Variants in IGSF21 observed in about 807,000 individuals in gnomAD.
IGSF21 encodes immunoglobulin superfamily member 21.
IGSF21 carries 28 observed loss-of-function variants against 46.8 expected under a neutral mutation model. The observed-to-expected ratio is 0.60, with a 90% confidence interval of 0.44 to 0.82. The LOEUF (loss-of-function observed/expected upper bound fraction) is 0.82. IGSF21 is among the 40% of genes least tolerant of loss of function. The pLI, the probability that IGSF21 is intolerant of heterozygous loss-of-function variation, is 0.00. For synonymous variants in IGSF21, 284 were observed against 273.6 expected (o/e 1.04, Z -0.38); for missense variants, 624 against 665.5 (o/e 0.94, Z 0.69).
chr1:18,319,124 A>G (rs891470276), intron 3 of IGSF21, among the ~76,000 whole-genome samples: 5 of 152,222 alleles, frequency 3.3e-5, no homozygotes, highest in Non-Finnish European at 7.3e-5. Flanking sequence ...TGTCTAAAGG[A>G]CAGAGGGTGC....
intron 2 of IGSF21, among the ~76,000 whole-genome samples, chr1:18,243,864 G>A (rs1163839904): frequency 6.6e-6 from 1 of 152,166 alleles, no homozygotes; most frequent in African/African-American, 2.4e-5. Context: ...TTGCCAAGGT[G>A]CCTCTAGAGA....
At chr1:18,155,947 G>T (rs2086564444) in intron 1 of IGSF21, among the ~76,000 whole-genome samples, 1 of 152,244 alleles carries the variant, frequency 6.6e-6, no homozygotes, top group South Asian at 2.1e-4. Flanking sequence ...GATGGGCCCG[G>T]ATGCGGTGCT....
rs117775969 is a variant in IGSF21 at position 18,184,889 on chromosome 1, C to T, written c.71-43009C>T. Among the ~76,000 whole-genome samples, 500 of 152,304 alleles carry T rather than the reference C, an allele frequency of 3.3e-3. 10 individuals are homozygous for T. The East Asian group carries it at 0.045, about 14-fold the overall frequency. ...AAGACCGTGAGTTCAAATCCCAGTC[C>T]AGACACTTCTGAGCTGTGTGACCTT... On this transcript the variant is annotated intron_variant, in intron 1 of 9. Transcript: ENST00000251296.
intron 4 of IGSF21, among the ~76,000 whole-genome samples, chr1:18,359,338 A>AAGAAAGAAAGAAAG (rs1195025223): frequency 2.8e-5 from 1 of 35,374 alleles, no homozygotes; most frequent in African/African-American, 9.5e-5. Context: ...AAGAGAAAGA[A>AAGAAAGAAAGAAAG]AAAGAAAGAA....
intron 1 of IGSF21, among the ~76,000 whole-genome samples, chr1:18,190,222 C>T (rs2086942056): frequency 6.6e-6 from 1 of 152,218 alleles, no homozygotes; most frequent in Admixed American, 6.5e-5. Flanking sequence ...CTTCAGAGCT[C>T]CCAGTGGATC....
chr1:18,256,898 C>T (rs1489075609), intron 2 of IGSF21, among the ~76,000 whole-genome samples: 6 of 152,326 alleles, frequency 3.9e-5, no homozygotes, highest in East Asian at 3.9e-4. Context: ...GCCCAGTTGC[C>T]GGCAAGCGGA....
chr1:18,185,744 T>TAA (rs771274671), intron 1 of IGSF21, among the ~76,000 whole-genome samples: 1 of 152,298 alleles, frequency 6.6e-6, no homozygotes, highest in Non-Finnish European at 1.5e-5. Context: ...ATGATAATAA[T>TAA]AGCACCTATG....
At chr1:18,342,054 G>GTTTTTTTT (rs60349068) in intron 4 of IGSF21, among the ~76,000 whole-genome samples, 2 of 144,592 alleles carry the variant, frequency 1.4e-5, no homozygotes, top group Non-Finnish European at 1.5e-5. Context: ...CATTTTCCTT[G>GTTTTTTTT]TTTTTTTTTT....
At position 18,360,968 on chromosome 1, in the gene IGSF21, T is replaced by TA. The variant is rs2086093962; in HGVS notation, c.425-1147_425-1146insA. Among the ~76,000 whole-genome samples the TA allele has an allele frequency of 2.1e-5, 3 of 141,016 alleles. No homozygotes were observed. In the Admixed American group the frequency reaches 2.2e-4, roughly 10 times the overall value. 92.5% of individuals were successfully genotyped at this position (141,016 alleles called of 152,430 possible). On this transcript the variant is annotated intron_variant, in intron 4 of 9. Coordinates refer to ENST00000251296, the MANE Select transcript of IGSF21 (RefSeq NM_032880.5). ...ATGGCCCAGTCCCTGCCCCTTGCGA[T>TA]GCCCCACGGTGTCTGGGAGCAAGGG... is the stretch of plus-strand genomic sequence containing the variant.
chr1:18,367,601 C>T (rs950000970), intron 6 of IGSF21, among the ~76,000 whole-genome samples: 4 of 72,462 alleles, frequency 5.5e-5, no homozygotes, highest in Non-Finnish European at 1.3e-4. Flanking sequence ...CTCTCTCTCT[C>T]TCTTTTTTTT....
intron 2 of IGSF21, among the ~76,000 whole-genome samples, chr1:18,229,452 C>G (rs2084602180): frequency 6.6e-6 from 1 of 152,242 alleles, no homozygotes; most frequent in South Asian, 2.1e-4. Context: ...CTTGGCTGCT[C>G]TGCTTTGCAT....
intron 3 of IGSF21, among the ~76,000 whole-genome samples, chr1:18,324,488 C>G (rs1019072600): frequency 3.3e-5 from 5 of 152,208 alleles, no homozygotes; most frequent in African/African-American, 7.2e-5. Flanking sequence ...GAACCTTTGA[C>G]GGATCACCTG....
intron 1 of IGSF21, among the ~76,000 whole-genome samples, chr1:18,141,489 G>A (rs2086414809): frequency 6.6e-6 from 1 of 152,132 alleles, no homozygotes; most frequent in Non-Finnish European, 1.5e-5. Flanking sequence ...ACACAGGGAT[G>A]TAGGGCAGGG....
chr1:18,205,172 A>G (rs1055677273), intron 1 of IGSF21, among the ~76,000 whole-genome samples: 2 of 151,814 alleles, frequency 1.3e-5, no homozygotes, highest in Admixed American at 6.6e-5. Context: ...AGAGAGAGGG[A>G]GAGGAGAGAG....
chr1:18,192,296 G>A (rs909530999), intron 1 of IGSF21, among the ~76,000 whole-genome samples: 29 of 152,198 alleles, frequency 1.9e-4, no homozygotes, highest in African/African-American at 6.8e-4. Context: ...GCATGAACAC[G>A]GCTCTGGGCC....
intron 3 of IGSF21, among the ~76,000 whole-genome samples, chr1:18,326,290 C>T (rs1387534933): frequency 6.6e-6 from 1 of 152,172 alleles, no homozygotes; most frequent in African/African-American, 2.4e-5. Context: ...GAAGAAGCAG[C>T]CCATCAGGGA....
Position 18,314,682 on chromosome 1 carries a change from G to A in IGSF21, c.306-20210G>A, listed in dbSNP as rs141126274. Among the ~76,000 whole-genome samples, 304 of 152,292 alleles carry A rather than the reference G, an allele frequency of 2.0e-3. 1 individual carries two copies. The highest frequency in any genetic ancestry group is 3.5e-3 in the Admixed American group (53 of 15,306). ...AGTGAAGCTGGGACCCAGCCAGGGA[G>A]GTCTCGTGCCAAAGCCTTCGTCTTC... On this transcript the variant is annotated intron_variant, in intron 3 of 9. Transcript: ENST00000251296.
intron 1 of IGSF21, among the ~76,000 whole-genome samples, chr1:18,151,225 C>T (rs914214267): frequency 5.3e-5 from 8 of 152,242 alleles, no homozygotes; most frequent in African/African-American, 1.9e-4. Flanking sequence ...TTAACACTAG[C>T]TGCTGTAACA....
chr1:18,357,434 G>T (rs1158594534), intron 4 of IGSF21, among the ~76,000 whole-genome samples: 1 of 143,648 alleles, frequency 7.0e-6, no homozygotes, highest in African/African-American at 2.6e-5. Context: ...GAACGGAGAT[G>T]AGGGATGAGG....
Sources: allele counts gnomAD v4.1 joint callset (sites outside exome capture counted in the v4.1 genomes callset), GRCh38; gene constraint gnomAD v4.1.1; transcripts MANE v1.5; gene names NCBI Gene and HGNC (gene_info 2026-07-23, HGNC 2026-07-21).